Variants in ADGRG7 observed in about 807,000 individuals in gnomAD.
The protein encoded by ADGRG7 is G-protein coupled receptor 128.
A neutral mutation model predicts 88.6 loss-of-function variants in ADGRG7; 82 were observed. The ratio of observed to expected loss-of-function variants is 0.93; its 90% CI spans 0.77 to 1.11. The LOEUF is 1.11. ADGRG7 is among the 50% of genes most tolerant of loss of function. The probability of loss-of-function intolerance (pLI) is 0.00; values close to 1 mark genes in which losing one functional copy is unlikely to be tolerated. For missense variants in ADGRG7, 945 were observed against 953.4 expected (o/e 0.99, Z 0.12); for synonymous variants, 381 against 345.2 (o/e 1.10, Z -1.15).
intron 11 of ADGRG7, 81 bp from the exon 12 acceptor site, chr3:100,654,754 T>A: frequency 2.4e-6 from 2 of 834,572 alleles, no homozygotes; most frequent in Non-Finnish European, 3.7e-6. Flanking sequence ...TATTCTTTGT[T>A]CCCAGAAATT....
chr3:100,687,650 T>A (rs2094985130), intron 15 of ADGRG7, among the ~76,000 whole-genome samples: 8 of 152,228 alleles, frequency 5.3e-5, no homozygotes, highest in Admixed American at 5.2e-4. Context: ...GGTTTTTGTC[T>A]CTGGTTCTGT....
intron 14 of ADGRG7, among the ~76,000 whole-genome samples, chr3:100,660,385 G>T (rs1196649137): frequency 6.6e-6 from 1 of 152,126 alleles, no homozygotes; most frequent in Non-Finnish European, 1.5e-5. Context: ...GCTCAATGCA[G>T]CCTCGACTTC....
intron 15 of ADGRG7, among the ~76,000 whole-genome samples, chr3:100,675,566 C>G (rs2094964008): frequency 6.6e-6 from 1 of 151,940 alleles, no homozygotes; most frequent in Admixed American, 6.6e-5. Context: ...TTCTTTCTTT[C>G]TTTCTTTTTG....
At chr3:100,654,786 A>G in intron 11 of ADGRG7, 49 bp from the exon 12 acceptor site, 1 of 1,147,060 alleles carries the variant, frequency 8.7e-7, no homozygotes, top group Non-Finnish European at 1.2e-6. Flanking sequence ...TGTTTTGTGC[A>G]GTTGTTGTGT....
chr3:100,624,419 T>G (rs1353059152), intron 1 of ADGRG7, among the ~76,000 whole-genome samples: 1 of 152,212 alleles, frequency 6.6e-6, no homozygotes, highest in African/African-American at 2.4e-5. Context: ...TTAAGTTCCT[T>G]GTAGATTCTG....
At chr3:100,670,516 A>G (rs533510943) in intron 15 of ADGRG7, among the ~76,000 whole-genome samples, 2 of 152,314 alleles carry the variant, frequency 1.3e-5, no homozygotes, top group South Asian at 4.1e-4. Context: ...TTTTGGATAT[A>G]TATCTAGCAG....
Position 100,629,645 on chromosome 3 carries a change from G to T in ADGRG7, c.163G>T (p.Gly55Cys), listed in dbSNP as rs145021208. Reference sequence around the variant, plus strand: ...CACCCCTACAGAGTTCTGCAGGAATGGTGGAACCTGGGAAAATGGCAGATG... The same window carrying T: ...CACCCCTACAGAGTTCTGCAGGAATTGTGGAACCTGGGAAAATGGCAGATG... ...SSTPTEFCRNGGTWENGRCIC... is the reference protein window; with the variant it reads ...SSTPTEFCRNCGTWENGRCIC... Residue 55 changes from glycine (G) to cysteine (C), a missense_variant, in exon 2 of 16, where the codon GGT (glycine) becomes TGT (cysteine). By Grantham distance (159) the Gly-to-Cys change is radical. Transcript: ENST00000273352. 5 of 1,613,230 alleles carry T rather than the reference G, an allele frequency of 3.1e-6. No individual in the cohort carries two copies. The African/African-American group carries it at 6.7e-5, about 22-fold the overall frequency.
At chr3:100,693,478 A>G (rs1411373998) in intron 15 of ADGRG7, among the ~76,000 whole-genome samples, 2 of 152,162 alleles carry the variant, frequency 1.3e-5, no homozygotes, top group Admixed American at 1.3e-4. Flanking sequence ...ACTTTTGGCC[A>G]GAGAACAAGT....
chr3:100,611,320 C>A (rs1210858134), intron 1 of ADGRG7, among the ~76,000 whole-genome samples: 1 of 148,312 alleles, frequency 6.7e-6, no homozygotes, highest in Non-Finnish European at 1.5e-5. Flanking sequence ...TCCTTCCTTC[C>A]TTCCTTCCTC....
intron 14 of ADGRG7, among the ~76,000 whole-genome samples, chr3:100,664,861 C>A (rs2094949845): frequency 6.6e-6 from 1 of 152,184 alleles, no homozygotes; most frequent in Admixed American, 6.5e-5. Context: ...TAAGGAAACA[C>A]TGTACAAAGT....
intron 15 of ADGRG7, among the ~76,000 whole-genome samples, chr3:100,683,457 G>T (rs1237800400): frequency 6.6e-6 from 1 of 152,230 alleles, no homozygotes; most frequent in Non-Finnish European, 1.5e-5. Context: ...AGCCATGGAA[G>T]CTGCTTATGG....
intron 6 of ADGRG7, among the ~76,000 whole-genome samples, chr3:100,639,014 G>C (rs1707593402): frequency 1.9e-3 from 1 of 538 alleles, no homozygotes; most frequent in African/African-American, 2.5e-3. Context: ...CTGTTTCTGT[G>C]TGTGTGTGTG....
intron 5 of ADGRG7, among the ~76,000 whole-genome samples, chr3:100,636,537 C>T (rs1707544307): frequency 6.6e-6 from 1 of 152,084 alleles, no homozygotes; most frequent in African/African-American, 2.4e-5. Flanking sequence ...AGTGATCAAA[C>T]AGGGCTACAA....
intron 11 of ADGRG7, among the ~76,000 whole-genome samples, chr3:100,651,264 T>A (rs772654307): frequency 2.0e-5 from 3 of 152,190 alleles, no homozygotes; most frequent in Non-Finnish European, 4.4e-5. Flanking sequence ...TCTACACAAC[T>A]GAATATTACA....
At chr3:100,691,136 C>A (rs189096993) in intron 15 of ADGRG7, among the ~76,000 whole-genome samples, 4 of 152,244 alleles carry the variant, frequency 2.6e-5, no homozygotes, top group African/African-American at 4.8e-5. Flanking sequence ...AATGAGCAAG[C>A]CTCCATGGGC....
At chr3:100,676,054 C>T (rs2094964919) in intron 15 of ADGRG7, among the ~76,000 whole-genome samples, 1 of 151,738 alleles carries the variant, frequency 6.6e-6, no homozygotes, top group South Asian at 2.1e-4. Context: ...TTAAAAATAA[C>T]CTTTTGTTTC....
At chr3:100,637,761 T>A (rs2149021216) in intron 6 of ADGRG7, among the ~76,000 whole-genome samples, 1 of 152,314 alleles carries the variant, frequency 6.6e-6, no homozygotes, top group East Asian at 1.9e-4. Context: ...AGAGAACAGC[T>A]CACTTTGCAG....
chr3:100,642,038 G>GAAAGAAAA (rs1328981848), intron 6 of ADGRG7, among the ~76,000 whole-genome samples: 9 of 152,142 alleles, frequency 5.9e-5, no homozygotes, highest in African/African-American at 2.2e-4. Flanking sequence ...AGAAGTACAA[G>GAAAGAAAA]AAAGAAAAAA....
intron 4 of ADGRG7, among the ~76,000 whole-genome samples, chr3:100,634,210 C>T (rs759129649): frequency 5.3e-5 from 8 of 152,154 alleles, no homozygotes; most frequent in African/African-American, 1.9e-4. Context: ...AGGGGACAAG[C>T]AAGGGGGAGG....
Sources: gnomAD v4.1 joint callset for allele counts (sites outside exome capture counted in the v4.1 genomes callset) on GRCh38, gnomAD v4.1.1 for gene constraint, MANE v1.5 for transcripts, NCBI Gene and HGNC (gene_info 2026-07-23, HGNC 2026-07-21) for gene names.